The following P2RX7 variants were observed in gnomAD, a reference collection of about 807,000 sequenced individuals.
P2RX7 encodes P2X purinoceptor 7.
Under a neutral mutation model 71.6 loss-of-function variants are expected in P2RX7, and 62 were observed. The observed-to-expected ratio is 0.87, with a 90% confidence interval of 0.71 to 1.07. The LOEUF (loss-of-function observed/expected upper bound fraction) is 1.07, where lower values mean the gene tolerates loss of function less well. P2RX7 is among the 50% of genes least tolerant of loss of function. The pLI is 0.00. For synonymous variants in P2RX7, 299 were observed against 283.3 expected, an observed-to-expected ratio of 1.06 and a Z score of -0.56; for missense variants, 686 against 748.5, an observed-to-expected ratio of 0.92 and a Z score of 0.97.
chr12:121,135,597 T>A (rs1282541094), intron 1 of P2RX7, among the ~76,000 whole-genome samples: 4 of 152,080 alleles, frequency 2.6e-5, no homozygotes, highest in Non-Finnish European at 5.9e-5. Flanking sequence ...GAGAAATATA[T>A]GGCATATAGT....
rs746705484 is a variant in P2RX7 at position 121,154,887 on chromosome 12, G to C, written c.228G>C (p.Val76=). The C allele has an allele frequency of 1.9e-6, 3 of 1,613,984 alleles. No individual in the cohort carries two copies. In the African/African-American group the frequency reaches 4.0e-5, roughly 22 times the overall value. Residue 76 remains valine, a synonymous_variant, in exon 2 of 13, where the codon GTG becomes GTC. Coordinates refer to ENST00000328963, the MANE Select transcript of P2RX7 (RefSeq NM_002562.6). This position sits in a 1 kb window ranked among gnomAD's most constrained non-coding sequence, Gnocchi z 4.2. ...KGIAEVKEEI[V]ENGVKKLVHS... ...TAGCAGAGGTGAAAGAGGAGATCGT[G>C]GAGAATGGAGTGAAGAAGTTGGTGC...
chr12:121,170,470 C>T (rs2567988), intron 8 of P2RX7, among the ~76,000 whole-genome samples: 59,150 of 152,056 alleles, frequency 0.39, 11,962 homozygotes, highest in African/African-American at 0.45. Context: ...GAAGAAATCT[C>T]TGGCCAAAAA....
rs200779736 is a variant in P2RX7, at chr12:121,133,028, C to A, written c.58C>A (p.Arg20=). ...CCAGTATGAGACGAACAAAGTCACT[C>A]GGATCCAGAGCATGAATTATGGCAC... is the stretch of plus-strand genomic sequence containing the variant. ...VFQYETNKVT[R]IQSMNYGTIK... Residue 20 remains arginine, a synonymous_variant, in exon 1 of 13, where the codon CGG becomes AGG. Transcript: ENST00000328963. 4 of 1,614,004 alleles carry A rather than the reference C, an allele frequency of 2.5e-6. No individual in the cohort carries two copies. In the South Asian group the frequency reaches 4.4e-5, roughly 18 times the overall value.
At chr12:121,166,865 A>C (rs1423974254) in intron 7 of P2RX7, among the ~76,000 whole-genome samples, 1 of 150,554 alleles carries the variant, frequency 6.6e-6, no homozygotes, top group Non-Finnish European at 1.5e-5. Context: ...AACATGGTGA[A>C]AGCCCATCTT....
intron 3 of P2RX7, 39 bp from the exon 4 acceptor site, chr12:121,160,863 C>A: frequency 2.1e-6 from 3 of 1,445,340 alleles, no homozygotes; most frequent in Non-Finnish European, 2.9e-6. Flanking sequence ...TAGTAACACA[C>A]GTCACTTACT....
At chr12:121,168,698 A>G (rs750541038) in intron 8 of P2RX7, among the ~76,000 whole-genome samples, 1 of 152,094 alleles carries the variant, frequency 6.6e-6, no homozygotes, top group Non-Finnish European at 1.5e-5. Flanking sequence ...CATGTTGCAT[A>G]ATTCTAACCC....
intron 5 of P2RX7, 133 bp downstream of exon 5, chr12:121,162,653 C>T (rs956766977): frequency 5.2e-5 from 50 of 959,752 alleles, no homozygotes; most frequent in African/African-American, 8.2e-5. Flanking sequence ...GGGACCCCTG[C>T]GCTCTGGATG....
chr12:121,167,624 G>A lies in P2RX7; in HGVS notation c.881G>A (p.Arg294Lys), dbSNP rs1881363410. Residue 294 changes from arginine to lysine, a missense_variant and splice_region_variant, in exon 8 of 13, where the codon AGA (arginine) becomes AAA (lysine). Physicochemically the swap from Arg to Lys is conservative, Grantham distance 26. Transcript: ENST00000328963. ...TCCTTGTACCCTGGCTACAACTTCA[G>A]GTAACTCCAAGGCCCAGGTCAAACT... ...NVSLYPGYNF[R>K]YAKYYKENNV... is the part of the protein sequence containing the mutation. The A allele has an allele frequency of 6.4e-7, 1 of 1,571,416 alleles. No individual in the cohort carries two copies.
In P2RX7 at chr12:121,168,042, T is replaced by C. The variant is rs149163785; in HGVS notation, c.881+418T>C. 2.3e-3 allele frequency among the ~76,000 whole-genome samples: 357 copies of C among 152,124 alleles called. 1 individual carries two copies. Among genetic ancestry groups the C allele is most frequent in the African/African-American group, 8.3e-3 (343 of 41,502 alleles). ...AAAATCACCCATAATTCCCCTACCC[T>C]GAAATAATCAATAACAACCCTCGGG... On this transcript the variant is annotated intron_variant, in intron 8 of 12. Transcript: ENST00000328963.
chr12:121,141,125 A>G (rs1874753345), intron 1 of P2RX7, among the ~76,000 whole-genome samples: 1 of 152,194 alleles, frequency 6.6e-6, no homozygotes, highest in Non-Finnish European at 1.5e-5. Flanking sequence ...TCAGGCAAGC[A>G]ATTAAAACAC....
chr12:121,157,738 C>A (rs1310019331), intron 3 of P2RX7, among the ~76,000 whole-genome samples: 1 of 152,252 alleles, frequency 6.6e-6, no homozygotes, highest in Non-Finnish European at 1.5e-5. Context: ...AAAACTTAAA[C>A]TTCTTAACTC....
chr12:121,141,452 C>G (rs1041472825), intron 1 of P2RX7, among the ~76,000 whole-genome samples: 1 of 152,122 alleles, frequency 6.6e-6, no homozygotes. Flanking sequence ...TTTCACAGGC[C>G]CACAGCTGGC....
At chr12:121,137,106 A>G (rs556303865) in intron 1 of P2RX7, among the ~76,000 whole-genome samples, 2 of 152,346 alleles carry the variant, frequency 1.3e-5, no homozygotes, top group Admixed American at 1.3e-4. Flanking sequence ...CCATGGGGAC[A>G]TGGAGAGAGA....
rs1406766561 is a variant in P2RX7 at position 121,155,129 on chromosome 12, G to A, written c.294+176G>A. On this transcript the variant is annotated intron_variant, in intron 2 of 12. Coordinates refer to ENST00000328963, the MANE Select transcript of P2RX7 (RefSeq NM_002562.6). ...AATTGCAAAACTGGGTGAGATCCAG[G>A]AGATGATTCTTTGCTTTATCAAGTC... The A allele has an allele frequency of 2.0e-6, 3 of 1,482,650 alleles. No homozygotes were observed. In the African/African-American group the frequency reaches 4.2e-5, roughly 21 times the overall value. The allele number at this position is 1,482,650 out of a possible 1,614,324, so 91.8% of individuals were successfully genotyped here.
Position 121,177,128 on chromosome 12 carries a change from T to C in P2RX7, c.973-19T>C. ...TGCTCTGAATTTCACCTGAGTAAAC[T>C]CTCCCACTCTGTTTTTAGGGAGGAA... On this transcript the variant is annotated intron_variant, in intron 9 of 12. Transcript: ENST00000328963. The C allele has an allele frequency of 1.2e-6, 2 of 1,611,266 alleles. No homozygotes were observed. The highest frequency in any genetic ancestry group is 2.7e-5 in the African/African-American group (2 of 75,008).
chr12:121,138,771 C>T (rs1018147549), intron 1 of P2RX7, among the ~76,000 whole-genome samples: 5 of 152,366 alleles, frequency 3.3e-5, no homozygotes, highest in Middle Eastern at 6.8e-3. Context: ...ACCCCCTATT[C>T]TTACCTCGGC....
intron 8 of P2RX7, among the ~76,000 whole-genome samples, chr12:121,169,323 G>A (rs556385209): frequency 1.3e-5 from 2 of 152,126 alleles, no homozygotes; most frequent in African/African-American, 4.8e-5. Flanking sequence ...ATCTATTATT[G>A]TTCCAGTGAG....
intron 8 of P2RX7, among the ~76,000 whole-genome samples, 191 bp downstream of exon 8, chr12:121,167,815 TTA>T (rs1215412800): frequency 2.1e-5 from 3 of 142,834 alleles, no homozygotes; most frequent in African/African-American, 9.2e-5. Context: ...TATTTTTTAC[TTA>T]TTTTTTTTTT....
rs1884888741 is a variant in P2RX7 at position 121,186,338 on chromosome 12, C to T, written c.*1536C>T. Reference sequence around the variant, plus strand: ...TTGGGGCTTATTTGTTCCACAGCAACAGGTAACTGGAACAGAGGGCAAGCC... The same window carrying T: ...TTGGGGCTTATTTGTTCCACAGCAATAGGTAACTGGAACAGAGGGCAAGCC... On this transcript the variant is annotated 3_prime_UTR_variant, in exon 13 of 13. Transcript: ENST00000328963. The T allele has an allele frequency of 6.6e-6, 1 of 152,238 alleles. No homozygotes were observed. The highest frequency in any genetic ancestry group is 1.5e-5 in the Non-Finnish European group (1 of 68,070). The allele number at this position is 152,238 out of a possible 1,614,324, so 9.4% of individuals were successfully genotyped here. A position where few individuals can be genotyped will look rare whatever the true frequency, so the allele number is the denominator to read the frequency against.
Sources: allele counts gnomAD v4.1 joint callset (sites outside exome capture counted in the v4.1 genomes callset), GRCh38; gene constraint gnomAD v4.1.1; non-coding constraint Gnocchi (gnomAD v3.1); transcripts MANE v1.5; gene names NCBI Gene and HGNC (gene_info 2026-07-23, HGNC 2026-07-21).